The following EVI5 variants were observed in gnomAD, a reference collection of about 807,000 sequenced individuals.
EVI5 encodes ecotropic viral integration site 5, also known as ecotropic viral integration site 5 protein homolog.
EVI5 carries 73 observed loss-of-function variants against 112.0 expected under a neutral mutation model. The observed-to-expected ratio is 0.65, with a 90% CI of 0.54 to 0.79. The LOEUF (loss-of-function observed/expected upper bound fraction) is 0.79, where lower values mean the gene tolerates loss of function less well. Ranked by LOEUF, EVI5 falls within the 30% of genes least tolerant of loss-of-function variation. EVI5 has a pLI of 0.00. For synonymous variants in EVI5, 305 were observed against 319.9 expected (o/e 0.95, Z 0.50); for missense variants, 900 against 968.8 (o/e 0.93, Z 0.94).
chr1:92,662,681 G>GA, intron 13 of EVI5, 38 bp downstream of exon 13: 1 of 1,131,344 alleles, frequency 8.8e-7, no homozygotes, highest in Non-Finnish European at 1.1e-6. Flanking sequence ...AAGGAAGGGG[G>GA]ATGAGAAAGA....
At chr1:92,744,330 T>C (rs1678915218) in intron 1 of EVI5, among the ~76,000 whole-genome samples, 1 of 152,178 alleles carries the variant, frequency 6.6e-6, no homozygotes, top group South Asian at 2.1e-4. Flanking sequence ...ATCCAGTTGA[T>C]AAATGGTGCT....
chr1:92,593,810 C>T (rs1307600480), intron 18 of EVI5, among the ~76,000 whole-genome samples: 1 of 152,158 alleles, frequency 6.6e-6, no homozygotes, highest in Non-Finnish European at 1.5e-5. Flanking sequence ...TCAGTGAACT[C>T]CCATTCGCAA....
chr1:92,677,626 G>A (rs900228128), intron 9 of EVI5, among the ~76,000 whole-genome samples: 1 of 152,000 alleles, frequency 6.6e-6, no homozygotes, highest in African/African-American at 2.4e-5. Flanking sequence ...GAGGGAAAGG[G>A]GACAACTCTT....
upstream of EVI5, chr1:92,785,203 A>C: frequency 1.6e-6 from 1 of 642,784 alleles, no homozygotes; most frequent in Non-Finnish European, 1.9e-6. Flanking sequence ...CGGCCGAGAA[A>C]AGGAGAAGGC....
At chr1:92,545,414 T>TAAAA (rs11284076) in intron 19 of EVI5, among the ~76,000 whole-genome samples, 1 of 143,760 alleles carries the variant, frequency 7.0e-6, no homozygotes, top group Non-Finnish European at 1.5e-5. Flanking sequence ...CTACTTGATG[T>TAAAA]AAAAAAAAAA....
chr1:92,665,910 G>A (rs1345010564), intron 11 of EVI5, 29 bp downstream of exon 11: 2 of 1,498,336 alleles, frequency 1.3e-6, no homozygotes, highest in Admixed American at 2.1e-5. Flanking sequence ...GCATTCAACA[G>A]AAGCTTGCAT....
At chr1:92,552,670 G>A (rs978587618) in intron 19 of EVI5, among the ~76,000 whole-genome samples, 9 of 152,072 alleles carry the variant, frequency 5.9e-5, no homozygotes, top group African/African-American at 1.9e-4. Flanking sequence ...CTTGTTTTAC[G>A]TTGATTCTGT....
chr1:92,729,007 G>T (rs1676049851), intron 2 of EVI5, among the ~76,000 whole-genome samples: 1 of 152,120 alleles, frequency 6.6e-6, no homozygotes, highest in Non-Finnish European at 1.5e-5. Context: ...AAGTAGTGAT[G>T]CTGGCAATTT....
At chr1:92,713,993 T>C in intron 2 of EVI5, 1 of 977,526 alleles carries the variant, frequency 1.0e-6, no homozygotes. Flanking sequence ...TACTTGAGAC[T>C]TACCTCCATA....
chr1:92,738,590 A>G (rs1171714747), intron 1 of EVI5, among the ~76,000 whole-genome samples: 1 of 152,174 alleles, frequency 6.6e-6, no homozygotes, highest in East Asian at 1.9e-4. Flanking sequence ...GCTTCGATTT[A>G]AAGAGTCTGA....
At chr1:92,704,076 G>A (rs1238223790) in intron 3 of EVI5, among the ~76,000 whole-genome samples, 1 of 152,110 alleles carries the variant, frequency 6.6e-6, no homozygotes. Flanking sequence ...TGGAGAGGCG[G>A]AGGTAGGAAG....
In EVI5 at chr1:92,604,266, G is replaced by A. The variant is rs188688485; in HGVS notation, c.2070+1041C>T. ...TCCCAGGTACTCGGGAAGCTGATGAGGACTGCTTGAGCCAGGAGTTGGAGT... is the reference window on the plus strand; with the variant it reads ...TCCCAGGTACTCGGGAAGCTGATGAAGACTGCTTGAGCCAGGAGTTGGAGT... On this transcript the variant is annotated intron_variant, in intron 18 of 19. Transcript: ENST00000684568. Among the ~76,000 whole-genome samples the A allele has an allele frequency of 1.1e-4, 16 of 151,978 alleles. No homozygotes were observed. In the East Asian group the frequency reaches 2.9e-3, roughly 28 times the overall value.
intron 19 of EVI5, among the ~76,000 whole-genome samples, chr1:92,558,581 G>C (rs976513080): frequency 2.1e-4 from 32 of 152,076 alleles, no homozygotes; most frequent in African/African-American, 7.5e-4. Context: ...TCTAAGCCAT[G>C]TTTGATCTTA....
At chr1:92,590,458 C>T (rs1211885748) in intron 18 of EVI5, among the ~76,000 whole-genome samples, 2 of 152,094 alleles carry the variant, frequency 1.3e-5, no homozygotes, top group East Asian at 1.9e-4. Flanking sequence ...ACGAGAACTA[C>T]GTGATGAACG....
intron 1 of EVI5, among the ~76,000 whole-genome samples, chr1:92,752,534 TG>T (rs1431518465): frequency 6.6e-6 from 1 of 151,826 alleles, no homozygotes; most frequent in East Asian, 2.0e-4. Flanking sequence ...AGCACTCCAA[TG>T]GGCCCTTTTA....
intron 19 of EVI5, among the ~76,000 whole-genome samples, chr1:92,542,865 T>C (rs1488135544): frequency 6.6e-6 from 1 of 152,224 alleles, no homozygotes; most frequent in African/African-American, 2.4e-5. Flanking sequence ...GAAATCATTT[T>C]TTCTGAGCAG....
intron 11 of EVI5, 68 bp from the exon 12 acceptor site, chr1:92,663,520 G>C: frequency 1.3e-6 from 1 of 758,214 alleles, no homozygotes; most frequent in Non-Finnish European, 2.0e-6. Context: ...TAGGAAAAAA[G>C]AAACAAATAT....
chr1:92,590,750 G>A (rs759522822), intron 18 of EVI5, among the ~76,000 whole-genome samples: 1 of 152,106 alleles, frequency 6.6e-6, no homozygotes, highest in Non-Finnish European at 1.5e-5. Flanking sequence ...TCAAATTCAG[G>A]AAATACAGAG....
At chr1:92,624,041 T>C (rs1655124009) in intron 16 of EVI5, 135 bp downstream of exon 16, 1 of 693,276 alleles carries the variant, frequency 1.4e-6, no homozygotes, top group Non-Finnish European at 2.4e-6. Flanking sequence ...CCATCTTCAT[T>C]TGGGCTAGAA....
Sources: allele counts gnomAD v4.1 joint callset (sites outside exome capture counted in the v4.1 genomes callset), GRCh38; gene constraint gnomAD v4.1.1; transcripts MANE v1.5; gene names NCBI Gene and HGNC (gene_info 2026-07-23, HGNC 2026-07-21).